The following U2AF2 variants were observed in gnomAD, a reference collection of about 807,000 sequenced individuals.
The protein encoded by U2AF2 is splicing factor U2AF 65 kDa subunit.
In U2AF2, 6 loss-of-function variants were observed where a neutral mutation model predicts 52.6. The observed-to-expected ratio is 0.11, with a 90% CI of 0.06 to 0.23. U2AF2 has a LOEUF of 0.23. U2AF2 is among the 10% of genes least tolerant of loss of function. The probability of loss-of-function intolerance (pLI) is 1.00; values close to 1 mark genes in which losing one functional copy is unlikely to be tolerated. For missense variants in U2AF2, 222 were observed against 677.1 expected (o/e 0.33, Z 7.46); for synonymous variants, 284 against 258.2 (o/e 1.10, Z -0.96).
At chr19:55,664,332 G>A (rs1984407085) in intron 7 of U2AF2, among the ~76,000 whole-genome samples, 1 of 152,212 alleles carries the variant, frequency 6.6e-6, no homozygotes, top group African/African-American at 2.4e-5. Context: ...GCTGTGTGCC[G>A]GCACACCTCG....
chr19:55,663,024 C>T (rs1984317001), intron 6 of U2AF2, among the ~76,000 whole-genome samples: 1 of 152,088 alleles, frequency 6.6e-6, no homozygotes, highest in Non-Finnish European at 1.5e-5. Flanking sequence ...AACTAGTCTT[C>T]TGTGTCTGTG....
chr19:55,662,200 G>C (rs932600572), intron 5 of U2AF2: 4 of 287,246 alleles, frequency 1.4e-5, no homozygotes, highest in Non-Finnish European at 2.6e-5. Context: ...GCCTTTTCTT[G>C]AACAATCTTC....
intron 6 of U2AF2, among the ~76,000 whole-genome samples, chr19:55,662,961 G>T (rs1018613398): frequency 6.6e-6 from 1 of 151,964 alleles, no homozygotes; most frequent in African/African-American, 2.4e-5. Flanking sequence ...CTTTACACCA[G>T]CTAACTGATG....
At chr19:55,660,972 G>A in intron 4 of U2AF2, 66 bp from the exon 5 acceptor site, 1 of 1,510,892 alleles carries the variant, frequency 6.6e-7, no homozygotes, top group South Asian at 1.3e-5. Flanking sequence ...CTCCCAGTGT[G>A]TGGTGAGGGG....
intron 2 of U2AF2, 144 bp downstream of exon 2, chr19:55,659,489 T>C: frequency 9.1e-7 from 1 of 1,101,552 alleles, no homozygotes; most frequent in East Asian, 3.2e-5. Context: ...GGGGGAGGGA[T>C]CTACTGCTTG....
intron 11 of U2AF2, among the ~76,000 whole-genome samples, chr19:55,670,908 G>A (rs1163702197): frequency 6.6e-6 from 1 of 152,230 alleles, no homozygotes; most frequent in African/African-American, 2.4e-5. Context: ...GGATCAGCAG[G>A]AGGGCAGAGA....
chr19:55,669,362 G>T (rs1377667037), intron 10 of U2AF2, 82 bp from the exon 11 acceptor site: 3 of 1,543,722 alleles, frequency 1.9e-6, no homozygotes, highest in Admixed American at 1.9e-5. Context: ...CCCCTGGGGG[G>T]GCATGTGAGG....
At position 55,668,426 on chromosome 19, in the gene U2AF2, T is replaced by A. The variant is rs558491768; in HGVS notation, c.743-81T>A. The A allele has an allele frequency of 9.4e-6, 13 of 1,382,124 alleles. No individual in the cohort carries two copies. The highest frequency in any genetic ancestry group is 1.3e-5 in the Non-Finnish European group (13 of 1,018,452). The allele number at this position is 1,382,124 out of a possible 1,614,324, so 85.6% of individuals were successfully genotyped here. The stretch of plus-strand genomic sequence containing the variant: ...GGCAGGAAGTGTTCTCTTTGGCAAT[T>A]GAGGAGCTCGCCGTAGACTGTCCAG... On this transcript the variant is annotated intron_variant, in intron 7 of 11. Transcript: ENST00000308924. This position sits in a 1 kb window ranked among gnomAD's most constrained non-coding sequence, Gnocchi z 5.5.
intron 5 of U2AF2, chr19:55,661,397 C>A (rs1984182142): frequency 1.9e-6 from 1 of 519,256 alleles, no homozygotes. Context: ...TCTCCCGTCT[C>A]CCCTCCCCCC....
At chr19:55,661,405 C>A in intron 5 of U2AF2, 2 of 512,510 alleles carry the variant, frequency 3.9e-6, no homozygotes, top group Admixed American at 3.6e-5. Context: ...CTCCCCTCCC[C>A]CCAACCTCCT....
At chr19:55,667,135 T>A (rs959154751) in intron 7 of U2AF2, among the ~76,000 whole-genome samples, 3 of 152,242 alleles carry the variant, frequency 2.0e-5, no homozygotes, top group Non-Finnish European at 4.4e-5. Flanking sequence ...GCTGGGTTGG[T>A]GCTTCCAGTT....
chr19:55,662,470 G>A (rs372011764), intron 5 of U2AF2, 32 bp from the exon 6 acceptor site: 27 of 250,246 alleles, frequency 1.1e-4, no homozygotes, highest in Non-Finnish European at 1.9e-4. Context: ...CCCTTCCCCC[G>A]CCCCCCCCCT....
intron 2 of U2AF2, 106 bp from the exon 3 acceptor site, chr19:55,660,071 G>T (rs1600071905): frequency 9.3e-7 from 1 of 1,078,466 alleles, no homozygotes; most frequent in Non-Finnish European, 1.3e-6. Context: ...GTTGACCTCG[G>T]CCCTGCTCCC....
chr19:55,662,207 C>T (rs781597357), intron 5 of U2AF2: 3 of 306,552 alleles, frequency 9.8e-6, no homozygotes, highest in East Asian at 6.1e-5. Flanking sequence ...CTTGAACAAT[C>T]TTCTCCTTTC....
chr19:55,659,418 C>A, intron 2 of U2AF2, 73 bp downstream of exon 2: 3 of 1,389,828 alleles, frequency 2.2e-6, no homozygotes, highest in Non-Finnish European at 1.9e-6. Flanking sequence ...TGTGGGTGGC[C>A]TGTGTGTGTC....
intron 5 of U2AF2, 54 bp downstream of exon 5, chr19:55,661,243 C>A: frequency 2.8e-6 from 4 of 1,443,776 alleles, no homozygotes; most frequent in South Asian, 2.8e-5. Context: ...CCCCGTTCCT[C>A]CCCTTCCCTC....
chr19:55,660,820 A>G (rs1263350720), intron 4 of U2AF2, among the ~76,000 whole-genome samples: 4 of 152,122 alleles, frequency 2.6e-5, no homozygotes, highest in Non-Finnish European at 5.9e-5. Flanking sequence ...TGACAGGGGA[A>G]TGAGGCCTCC....
At chr19:55,657,547 G>A (rs776557523) in intron 1 of U2AF2, among the ~76,000 whole-genome samples, 2 of 152,316 alleles carry the variant, frequency 1.3e-5, no homozygotes, top group East Asian at 1.9e-4. Context: ...CAGCAGAAAG[G>A]GCTCTTGGGG....
chr19:55,668,679 C>T lies in U2AF2; in HGVS notation c.832C>T (p.Leu278=), dbSNP rs1984694522. The change falls in exon 9 of 12, where the codon CTG becomes TTG. Residue 278 remains leucine (L), a synonymous_variant. Coordinates refer to ENST00000308924, the MANE Select transcript of U2AF2 (RefSeq NM_007279.3). The surrounding 1 kb of genome is among the most constrained non-coding windows in gnomAD (Gnocchi z 5.5). ...NYLNDDQVKE[L]LTSFGPLKAF... ...CTCTCGGCTACTGCAGGTCAAAGAG[C>T]TGCTGACATCCTTTGGGCCCCTCAA... is the stretch of plus-strand genomic sequence containing the variant. 5 of 1,611,518 alleles carry T rather than the reference C, an allele frequency of 3.1e-6. No homozygotes were observed. Among genetic ancestry groups the T allele is most frequent in the Non-Finnish European group, 4.2e-6 (5 of 1,178,072 alleles).
Sources: allele counts gnomAD v4.1 joint callset (sites outside exome capture counted in the v4.1 genomes callset), GRCh38; gene constraint gnomAD v4.1.1; non-coding constraint Gnocchi (gnomAD v3.1); transcripts MANE v1.5; gene names NCBI Gene and HGNC (gene_info 2026-07-23, HGNC 2026-07-21).